The following CSMD1 variants were observed in gnomAD, a reference collection of about 807,000 sequenced individuals.
CSMD1 encodes the protein CUB and sushi domain-containing protein 1.
CSMD1 carries 213 observed loss-of-function variants against 417.5 expected under a neutral mutation model. The ratio of observed to expected loss-of-function variants is 0.51; its 90% CI spans 0.46 to 0.57. The LOEUF is 0.57. CSMD1 is among the 20% of genes least tolerant of loss of function. The pLI, the probability that CSMD1 is intolerant of heterozygous loss-of-function variation, is 0.00. For synonymous variants in CSMD1, 2,862 were observed against 1,736.8 expected, an observed-to-expected ratio of 1.65 and a Z score of -16.11; for missense variants, 6,923 against 4,529.7, an observed-to-expected ratio of 1.53 and a Z score of -15.17.
At chr8:4,871,835 G>T (rs1034857250) in intron 1 of CSMD1, among the ~76,000 whole-genome samples, 3 of 152,058 alleles carry the variant, frequency 2.0e-5, no homozygotes, top group Non-Finnish European at 4.4e-5. Context: ...GGACAGGCAG[G>T]TTCTGTGCTT....
intron 5 of CSMD1, among the ~76,000 whole-genome samples, chr8:3,903,322 G>A (rs1365031258): frequency 5.7e-5 from 2 of 35,328 alleles, no homozygotes; most frequent in Admixed American, 8.3e-4. Flanking sequence ...GAATTAATCT[G>A]TCCAGCTAAA....
At chr8:4,059,910 A>G (rs193161870) in intron 3 of CSMD1, among the ~76,000 whole-genome samples, 1,668 of 151,926 alleles carry the variant, frequency 0.011, 19 homozygotes, top group African/African-American at 0.038. Context: ...TCCAATCAAT[A>G]GAAAAAGAGG....
At chr8:4,306,769 T>C (rs1291444455) in intron 3 of CSMD1, among the ~76,000 whole-genome samples, 1 of 151,984 alleles carries the variant, frequency 6.6e-6, no homozygotes, top group Non-Finnish European at 1.5e-5. Context: ...CTGGTGCGAG[T>C]CCACAGATCA....
chr8:3,998,790 T>A (rs559797255), intron 4 of CSMD1, among the ~76,000 whole-genome samples: 12 of 151,636 alleles, frequency 7.9e-5, no homozygotes, highest in African/African-American at 2.9e-4. Context: ...CTTGGTAAGT[T>A]TGCTATAGAG....
chr8:3,487,247 G>A (rs372963333), intron 11 of CSMD1, among the ~76,000 whole-genome samples: 2 of 152,050 alleles, frequency 1.3e-5, no homozygotes, highest in African/African-American at 2.4e-5. Flanking sequence ...TGTCTCCCAG[G>A]CTGGAGTGCA....
At chr8:4,890,932 A>T (rs1405402057) in intron 1 of CSMD1, among the ~76,000 whole-genome samples, 1 of 152,108 alleles carries the variant, frequency 6.6e-6, no homozygotes, top group Non-Finnish European at 1.5e-5. Flanking sequence ...GGGAAACGCA[A>T]AGGCAGAGAA....
At chr8:4,081,568 G>A (rs1324565503) in intron 3 of CSMD1, among the ~76,000 whole-genome samples, 1 of 152,080 alleles carries the variant, frequency 6.6e-6, no homozygotes. Context: ...TGTTGACCTA[G>A]TTGACCCAGA....
intron 2 of CSMD1, among the ~76,000 whole-genome samples, chr8:4,430,957 C>G (rs948839618): frequency 2.0e-5 from 3 of 152,114 alleles, no homozygotes; most frequent in African/African-American, 7.2e-5. Flanking sequence ...ATTTTTATAT[C>G]AAGATGTCCT....
rs1454337672 is a variant in CSMD1, at chr8:3,387,607, C to T, written c.2669G>A (p.Gly890Asp). ...GCTGAAAGTCACTGTGGACCTGATGCCAAAGTCTCCACCGTGGCGATGGCC... is the reference window on the plus strand; with the variant it reads ...GCTGAAAGTCACTGTGGACCTGATGTCAAAGTCTCCACCGTGGCGATGGCC... ...VNGHRHGGDF[G>D]IRSTVTFSCD... The change falls in exon 18 of 70, where the codon GGC (glycine) becomes GAC (aspartate). Residue 890 changes from glycine (G) to aspartate (D), a missense_variant. Coordinates refer to ENST00000635120, the MANE Select transcript of CSMD1 (RefSeq NM_033225.6). 5.6e-6 allele frequency: 9 copies of T among 1,601,330 alleles called. No homozygotes were observed. Among genetic ancestry groups the T allele is most frequent in the Non-Finnish European group, 7.7e-6 (9 of 1,173,832 alleles).
intron 5 of CSMD1, among the ~76,000 whole-genome samples, chr8:3,925,356 G>T (rs1354347914): frequency 6.6e-6 from 1 of 152,092 alleles, no homozygotes; most frequent in East Asian, 1.9e-4. Flanking sequence ...ATTTTAATTA[G>T]AAATATTCAA....
At chr8:4,310,323 G>T (rs1165735015) in intron 3 of CSMD1, among the ~76,000 whole-genome samples, 1 of 152,132 alleles carries the variant, frequency 6.6e-6, no homozygotes, top group Non-Finnish European at 1.5e-5. Context: ...AAGGGAAAAG[G>T]CCTCCACACT....
chr8:3,069,086 T>C (rs909401053), intron 49 of CSMD1, among the ~76,000 whole-genome samples: 1 of 151,856 alleles, frequency 6.6e-6, no homozygotes, highest in African/African-American at 2.4e-5. Context: ...CAAGATACAA[T>C]GGAGATATAG....
At chr8:3,784,705 C>T (rs768818591) in intron 5 of CSMD1, among the ~76,000 whole-genome samples, 4 of 152,114 alleles carry the variant, frequency 2.6e-5, no homozygotes, top group Admixed American at 6.5e-5. Context: ...TGGAAATATG[C>T]TATTATTCTA....
chr8:4,825,224 A>C (rs1236610212), intron 1 of CSMD1, among the ~76,000 whole-genome samples: 1 of 152,118 alleles, frequency 6.6e-6, no homozygotes, highest in African/African-American at 2.4e-5. Flanking sequence ...CTGCACGTTT[A>C]ATATACATAC....
chr8:3,845,816 G>C (rs1402390932), intron 5 of CSMD1, among the ~76,000 whole-genome samples: 5 of 151,324 alleles, frequency 3.3e-5, no homozygotes, highest in Admixed American at 3.3e-4. Flanking sequence ...TATTCTATGT[G>C]CTTTCTTCTA....
chr8:3,695,950 C>A (rs1421969588), intron 7 of CSMD1, among the ~76,000 whole-genome samples: 1 of 152,170 alleles, frequency 6.6e-6, no homozygotes, highest in East Asian at 1.9e-4. Flanking sequence ...ATCAGACCTT[C>A]CAAAAACTAC....
At position 3,160,549 on chromosome 8, in the gene CSMD1, C is replaced by T. The variant is rs1170475961; in HGVS notation, c.5844+1610G>A. On this transcript the variant is annotated intron_variant, in intron 38 of 69. Coordinates refer to ENST00000635120, the MANE Select transcript of CSMD1 (RefSeq NM_033225.6). ...ATCCCAACTTTCAGGAGTCCTTACT[C>T]ACCAGTTTCCACTACAGAGACTCTC... 2.6e-5 allele frequency among the ~76,000 whole-genome samples: 4 copies of T among 152,316 alleles called. No homozygotes were observed. In the East Asian group the frequency reaches 5.8e-4, roughly 22 times the overall value.
chr8:3,174,978 A>G (rs1453519353), intron 37 of CSMD1, among the ~76,000 whole-genome samples: 1 of 152,166 alleles, frequency 6.6e-6, no homozygotes, highest in Non-Finnish European at 1.5e-5. Context: ...GCTAACTACC[A>G]ATTATATAAA....
intron 2 of CSMD1, among the ~76,000 whole-genome samples, chr8:4,536,125 A>G (rs148087357): frequency 0.02 from 3,051 of 152,316 alleles, 55 homozygotes; most frequent in Non-Finnish European, 0.029. Flanking sequence ...TCACTTGACA[A>G]GGTTCCTTTC....
Sources: allele counts gnomAD v4.1 joint callset (sites outside exome capture counted in the v4.1 genomes callset), GRCh38; gene constraint gnomAD v4.1.1; transcripts MANE v1.5; gene names NCBI Gene and HGNC (gene_info 2026-07-23, HGNC 2026-07-21).